ZNF362: variants seen among roughly 807,000 people sequenced by gnomAD.
ZNF362 encodes rotund homolog.
A neutral mutation model predicts 42.9 loss-of-function variants in ZNF362; 11 were observed. The ratio of observed to expected loss-of-function variants is 0.26; its 90% CI spans 0.16 to 0.42. The LOEUF (loss-of-function observed/expected upper bound fraction) is 0.42. Ranked by LOEUF, ZNF362 falls within the 20% of genes least tolerant of loss-of-function variation. The pLI is 1.00. For missense variants in ZNF362, 362 were observed against 576.2 expected, an observed-to-expected ratio of 0.63 and a Z score of 3.81; for synonymous variants, 255 against 257.3, an observed-to-expected ratio of 0.99 and a Z score of 0.09.
chr1:33,298,992 C>T lies in ZNF362; in HGVS notation c.1209C>T (p.His403=), dbSNP rs1226472969. Residue 403 remains histidine, a synonymous_variant, in exon 9 of 9, where the codon CAC becomes CAT. Coordinates refer to ENST00000539719, the MANE Select transcript of ZNF362 (RefSeq NM_152493.3). ...TGGTGGAGCACCTGGTGAGCCATCACTCGCCCCAGAGGACGGAGTCCCCCG... is the reference window on the plus strand; with the variant it reads ...TGGTGGAGCACCTGGTGAGCCATCATTCGCCCCAGAGGACGGAGTCCCCCG... ...HTVVEHLVSH[H]SPQRTESPGI... is the part of the protein sequence containing the mutation. 8.1e-6 allele frequency: 13 copies of T among 1,613,292 alleles called. No individual in the cohort carries two copies. The highest frequency in any genetic ancestry group is 1.3e-5 in the African/African-American group (1 of 74,946).
At chr1:33,272,868 CT>C (rs1356541794) in intron 2 of ZNF362, among the ~76,000 whole-genome samples, 4 of 152,260 alleles carry the variant, frequency 2.6e-5, no homozygotes, top group African/African-American at 9.6e-5. Context: ...TGTCCCAAGC[CT>C]GCCTTGTGCT....
the ZNF362 span, among the ~76,000 whole-genome samples, chr1:33,202,459 A>G: frequency 6.6e-6 from 1 of 152,048 alleles, no homozygotes; most frequent in Non-Finnish European, 1.5e-5. Flanking sequence ...TCAGCCAGGC[A>G]TGGTGGCGGC....
At chr1:33,262,566 C>T (rs1171681209) in intron 1 of ZNF362, among the ~76,000 whole-genome samples, 2 of 152,108 alleles carry the variant, frequency 1.3e-5, no homozygotes, top group African/African-American at 4.8e-5. Flanking sequence ...CTTGGCCTCC[C>T]AAAGTGCTGG....
At chr1:33,221,706 T>G in the ZNF362 span, among the ~76,000 whole-genome samples, 1 of 152,220 alleles carries the variant, frequency 6.6e-6, no homozygotes, top group African/African-American at 2.4e-5. Flanking sequence ...AGACAATTCA[T>G]TTTTCATTTC....
At chr1:33,297,511 C>CTTTTTTTTTTTTTTTTTTTTTTTTT (rs776504622) in intron 8 of ZNF362, among the ~76,000 whole-genome samples, 3 of 78,906 alleles carry the variant, frequency 3.8e-5, no homozygotes, top group Non-Finnish European at 4.6e-5. Context: ...TACATGATTC[C>CTTTTTTTTTTTTTTTTTTTTTTTTT]TCTTTTTTTT....
Position 33,281,924 on chromosome 1 carries a change from C to G in ZNF362, c.908+113C>G, listed in dbSNP as rs990406977. 2.7e-6 allele frequency: 3 copies of G among 1,097,794 alleles called. No homozygotes were observed. In the African/African-American group the frequency reaches 4.6e-5, roughly 17 times the overall value. The allele number at this position is 1,097,794 out of a possible 1,614,324, so 68.0% of individuals were successfully genotyped here. A position where few individuals can be genotyped will look rare whatever the true frequency, so the allele number is the denominator to read the frequency against. On this transcript the variant is annotated intron_variant, in intron 6 of 8. Transcript: ENST00000539719. The surrounding 1 kb of genome is among the most constrained non-coding windows in gnomAD (Gnocchi z 4.8). ...GGACCTTCTCCAGGTGCCCATTGCCCTCGGGGTCACGGCCCTTGTGGACCT... is the reference window on the plus strand; with the variant it reads ...GGACCTTCTCCAGGTGCCCATTGCCGTCGGGGTCACGGCCCTTGTGGACCT...
chr1:33,149,004 T>A, the ZNF362 span, among the ~76,000 whole-genome samples: 1 of 152,196 alleles, frequency 6.6e-6, no homozygotes, highest in Admixed American at 6.5e-5. Flanking sequence ...CCAAAGCCTC[T>A]GCTTACACGG....
the ZNF362 span, chr1:33,176,370 G>A: frequency 1.5e-6 from 1 of 671,972 alleles, no homozygotes; most frequent in Non-Finnish European, 2.8e-6. Context: ...TCCTTGGGTG[G>A]CTGCCTTGGT....
At chr1:33,182,559 G>A in the ZNF362 span, among the ~76,000 whole-genome samples, 4 of 151,970 alleles carry the variant, frequency 2.6e-5, no homozygotes, top group Non-Finnish European at 4.4e-5. Context: ...ATCTGGCCCC[G>A]GAGGCTGCCT....
the ZNF362 span, among the ~76,000 whole-genome samples, chr1:33,227,056 T>G: frequency 6.6e-6 from 1 of 152,148 alleles, no homozygotes; most frequent in East Asian, 1.9e-4. Context: ...GTGATAACTA[T>G]AGGGTACAAG....
the ZNF362 span, among the ~76,000 whole-genome samples, chr1:33,137,673 G>A: frequency 6.6e-6 from 1 of 152,142 alleles, no homozygotes; most frequent in African/African-American, 2.4e-5. Context: ...CAGAGTATGG[G>A]CTTGGGCTGG....
chr1:33,127,589 G>A, the ZNF362 span, among the ~76,000 whole-genome samples: 1 of 152,166 alleles, frequency 6.6e-6, no homozygotes, highest in African/African-American at 2.4e-5. Flanking sequence ...AAGGCCCAGG[G>A]TAACACCGGA....
In ZNF362 at chr1:33,294,798, C is replaced by T; in HGVS notation, c.909-139C>T. 1.1e-6 allele frequency: 1 copy of T among 873,422 alleles called. No homozygotes were observed. Among genetic ancestry groups the T allele is most frequent in the Non-Finnish European group, 1.8e-6 (1 of 550,578 alleles). 54.1% of individuals were successfully genotyped at this position (873,422 alleles called of 1,614,324 possible). On this transcript the variant is annotated intron_variant, in intron 6 of 8. Coordinates refer to ENST00000539719, the MANE Select transcript of ZNF362 (RefSeq NM_152493.3). This position sits in a 1 kb window ranked among gnomAD's most constrained non-coding sequence, Gnocchi z 4.2. The stretch of plus-strand genomic sequence containing the variant: ...GGCCGTTGAAGTCCCCAGCTCTTGC[C>T]TGGGCTCACTCTTGGTCCTTGGGGA...
the ZNF362 span, among the ~76,000 whole-genome samples, chr1:33,167,616 C>T: frequency 2.6e-5 from 4 of 152,182 alleles, no homozygotes; most frequent in African/African-American, 4.8e-5. This position sits in a 1 kb window ranked among gnomAD's most constrained non-coding sequence, Gnocchi z 4.2. Context: ...ACGCTTGCTG[C>T]GTGAATGAAG....
intron 6 of ZNF362, among the ~76,000 whole-genome samples, chr1:33,292,187 T>C (rs1646083395): frequency 6.6e-6 from 1 of 152,226 alleles, no homozygotes; most frequent in Non-Finnish European, 1.5e-5. Flanking sequence ...CCATTCAGTA[T>C]GATATTGGCT....
chr1:33,157,617 G>A, the ZNF362 span, among the ~76,000 whole-genome samples: 1 of 152,068 alleles, frequency 6.6e-6, no homozygotes, highest in African/African-American at 2.4e-5. Context: ...GCTTACTATG[G>A]TATCTCCAGC....
At chr1:33,291,811 G>A (rs1273605555) in intron 6 of ZNF362, among the ~76,000 whole-genome samples, 1 of 152,100 alleles carries the variant, frequency 6.6e-6, no homozygotes, top group Non-Finnish European at 1.5e-5. Context: ...GAATTCCTAG[G>A]TATTTTATTC....
chr1:33,282,549 C>T lies in ZNF362; in HGVS notation c.908+738C>T, dbSNP rs1240517114. 3.3e-5 allele frequency among the ~76,000 whole-genome samples: 5 copies of T among 152,098 alleles called. No homozygotes were observed. In the East Asian group the frequency reaches 7.7e-4, roughly 23 times the overall value. ...TTTAAGAAAAATTTGTGGCTGGGTG[C>T]GGTGGCTCACACCTGTAATCCCAGC... On this transcript the variant is annotated intron_variant, in intron 6 of 8. Transcript: ENST00000539719.
At chr1:33,167,494 G>A in the ZNF362 span, among the ~76,000 whole-genome samples, 7 of 152,304 alleles carry the variant, frequency 4.6e-5, no homozygotes, top group South Asian at 1.5e-3. This position sits in a 1 kb window ranked among gnomAD's most constrained non-coding sequence, Gnocchi z 4.2. Flanking sequence ...TCTCCTGTCT[G>A]TCTCTTCTTC....
Sources: gnomAD v4.1 joint callset for allele counts (sites outside exome capture counted in the v4.1 genomes callset) on GRCh38, gnomAD v4.1.1 for gene constraint, Gnocchi (gnomAD v3.1) non-coding constraint, MANE v1.5 for transcripts, NCBI Gene and HGNC (gene_info 2026-07-23, HGNC 2026-07-21) for gene names.